Variants in ZNF326 observed in about 807,000 individuals in gnomAD.
ZNF326 encodes zinc finger protein 326.
ZNF326 carries 30 observed loss-of-function variants against 63.1 expected under a neutral mutation model. The ratio of observed to expected loss-of-function variants is 0.48; its 90% confidence interval spans 0.36 to 0.64. ZNF326 has a LOEUF of 0.64. Among genes scored for constraint, ZNF326 ranks in the 30% least tolerant of loss-of-function variants. The probability of loss-of-function intolerance (pLI) is 0.00; values close to 1 mark genes in which losing one functional copy is unlikely to be tolerated. For synonymous variants in ZNF326, 194 were observed against 228.2 expected (o/e 0.85, Z 1.35); for missense variants, 609 against 720.3 (o/e 0.85, Z 1.77).
Position 89,995,220 on chromosome 1 carries a change from C to T in ZNF326, c.-38C>T, listed in dbSNP as rs1194546554. ...ACGCTCGCCGCCGGCCATAGCTCAG[C>T]CTAGCGCCGCCAAGGCCGACGGCCC... On this transcript the variant is annotated 5_prime_UTR_variant, in exon 1 of 12. Coordinates refer to ENST00000340281, the MANE Select transcript of ZNF326 (RefSeq NM_182976.4). 4.5e-6 allele frequency: 7 copies of T among 1,538,996 alleles called. No individual in the cohort carries two copies. The highest frequency in any genetic ancestry group is 3.6e-5 in the South Asian group (3 of 83,256).
At position 90,007,352 on chromosome 1, in the gene ZNF326, C is replaced by A; in HGVS notation, c.217C>A (p.Pro73Thr). The change falls in exon 5 of 12, where the codon CCT becomes ACT. Residue 73 changes from proline (P) to threonine (T), a missense_variant. Transcript: ENST00000340281. The surrounding 1 kb of genome is among the most constrained non-coding windows in gnomAD (Gnocchi z 4.9). ...ACTGTGCAACTTTTCCAGGTTTGGACCTTATGAGTCTTACGACTCCAGGTC... is the reference window on the plus strand; with the variant it reads ...ACTGTGCAACTTTTCCAGGTTTGGAACTTATGAGTCTTACGACTCCAGGTC... Reference protein sequence around the residue: ...SGGGGGSRFGPYESYDSRSSL... With the variant: ...SGGGGGSRFGTYESYDSRSSL... The A allele has an allele frequency of 6.2e-7, 1 of 1,602,786 alleles. No individual in the cohort carries two copies. The highest frequency in any genetic ancestry group is 8.5e-7 in the Non-Finnish European group (1 of 1,173,774).
At chr1:90,025,538 T>G (rs1570323062) in intron 11 of ZNF326, among the ~76,000 whole-genome samples, 1 of 152,188 alleles carries the variant, frequency 6.6e-6, no homozygotes, top group African/African-American at 2.4e-5. Context: ...TCCAGGAATT[T>G]GTGTTTTCAG....
chr1:89,997,080 C>T (rs1428277659), intron 1 of ZNF326, among the ~76,000 whole-genome samples: 1 of 152,196 alleles, frequency 6.6e-6, no homozygotes, highest in Non-Finnish European at 1.5e-5. Flanking sequence ...ATGAAATACG[C>T]CCTGTCTCAC....
rs151244771 is a variant in ZNF326 at position 89,997,194 on chromosome 1, C to T, written c.17-916C>T. 4.2e-3 allele frequency among the ~76,000 whole-genome samples: 638 copies of T among 152,154 alleles called. 5 individuals are homozygous for T. Among genetic ancestry groups the T allele is most frequent in the African/African-American group, 0.015 (621 of 41,490 alleles). On this transcript the variant is annotated intron_variant, in intron 1 of 11. Coordinates refer to ENST00000340281, the MANE Select transcript of ZNF326 (RefSeq NM_182976.4). ...GCAGGATTCTGTTGTATCCAGATGA[C>T]CACTATATTAAATTCTGTTCTTTCA...
intron 2 of ZNF326, among the ~76,000 whole-genome samples, chr1:89,999,549 G>A (rs974237361): frequency 1.3e-5 from 2 of 152,124 alleles, no homozygotes; most frequent in Non-Finnish European, 2.9e-5. Flanking sequence ...AGTTATAACT[G>A]GTTCTCATCT....
Position 90,031,986 on chromosome 1 carries a change from G to A in ZNF326, c.*4285G>A, listed in dbSNP as rs1650298450. 1 of 152,002 alleles carries A rather than the reference G, an allele frequency of 6.6e-6. No individual in the cohort carries two copies. Among genetic ancestry groups the A allele is most frequent in the African/African-American group, 2.4e-5 (1 of 41,390 alleles). 9.4% of individuals were successfully genotyped at this position (152,002 alleles called of 1,614,324 possible). A position where few individuals can be genotyped will look rare whatever the true frequency, so the allele number is the denominator to read the frequency against. Reference sequence around the variant, plus strand: ...TATAAATAAACAATTGACTTTTTTTGGTAGTTATGGTCCCTACCCTCAGTG... The same window carrying A: ...TATAAATAAACAATTGACTTTTTTTAGTAGTTATGGTCCCTACCCTCAGTG... On this transcript the variant is annotated 3_prime_UTR_variant, in exon 12 of 12. Transcript: ENST00000340281.
chr1:89,996,211 G>T (rs1416069180), intron 1 of ZNF326, among the ~76,000 whole-genome samples: 1 of 152,202 alleles, frequency 6.6e-6, no homozygotes, highest in East Asian at 1.9e-4. Flanking sequence ...ACATTAGGGA[G>T]ACATGGGAAA....
chr1:90,012,613 G>A (rs1418765405), intron 6 of ZNF326, among the ~76,000 whole-genome samples: 1 of 152,096 alleles, frequency 6.6e-6, no homozygotes, highest in Non-Finnish European at 1.5e-5. Flanking sequence ...TCACAATAGA[G>A]AATATTTTTT....
intron 2 of ZNF326, among the ~76,000 whole-genome samples, chr1:89,998,531 T>C (rs1648514632): frequency 6.6e-6 from 1 of 152,210 alleles, no homozygotes; most frequent in African/African-American, 2.4e-5. Context: ...ATAGCTTGTA[T>C]TGTAATGCAT....
Position 90,007,413 on chromosome 1 carries a change from A to C in ZNF326, c.278A>C (p.Tyr93Ser), listed in dbSNP as rs139710910. ...GGGCGAGATCTGTACAGATCTGGCT[A>C]TGGTTTTAATGAACCCGAACAAAGC... is the stretch of plus-strand genomic sequence containing the variant. ...LGGRDLYRSGYGFNEPEQSRF... is the reference protein window; with the variant it reads ...LGGRDLYRSGSGFNEPEQSRF... Residue 93 changes from tyrosine to serine, a missense_variant, in exon 5 of 12, where the codon TAT (tyrosine) becomes TCT (serine). This residue lies in a region of ZNF326 where 113 missense variants were observed against 187.4 expected (regional missense o/e 0.60). Transcript: ENST00000340281. The surrounding 1 kb of genome is among the most constrained non-coding windows in gnomAD (Gnocchi z 4.9). 1.5e-4 allele frequency: 237 copies of C among 1,613,956 alleles called. No homozygotes were observed. Among genetic ancestry groups the C allele is most frequent in the Non-Finnish European group, 1.9e-4 (229 of 1,179,990 alleles).
At chr1:90,026,887 C>T (rs1253070869) in intron 11 of ZNF326, among the ~76,000 whole-genome samples, 2 of 151,926 alleles carry the variant, frequency 1.3e-5, no homozygotes, top group Non-Finnish European at 2.9e-5. Flanking sequence ...GGTTTGTCTA[C>T]TTTTTAAAAG....
At chr1:89,996,400 C>T (rs543395288) in intron 1 of ZNF326, among the ~76,000 whole-genome samples, 3 of 152,266 alleles carry the variant, frequency 2.0e-5, no homozygotes, top group African/African-American at 7.2e-5. Flanking sequence ...TTTCATGCAA[C>T]AAAGAATTAA....
intron 11 of ZNF326, 51 bp from the exon 12 acceptor site, chr1:90,027,303 T>G (rs921085375): frequency 1.3e-6 from 2 of 1,553,868 alleles, no homozygotes; most frequent in African/African-American, 2.7e-5. Context: ...ACTTGCCAGA[T>G]CATGTAATAA....
At chr1:89,997,981 T>A in intron 1 of ZNF326, 129 bp from the exon 2 acceptor site, 1 of 679,458 alleles carries the variant, frequency 1.5e-6, no homozygotes, top group Non-Finnish European at 2.5e-6. Flanking sequence ...TTTTAACTAT[T>A]CTCAGTTTTG....
chr1:90,025,131 C>T (rs1226813574), intron 11 of ZNF326, among the ~76,000 whole-genome samples: 2 of 152,026 alleles, frequency 1.3e-5, no homozygotes, highest in East Asian at 1.9e-4. Context: ...TTACTTTGCA[C>T]GTGCTCTTTG....
chr1:90,004,914 T>C, intron 2 of ZNF326, 89 bp from the exon 3 acceptor site: 3 of 1,083,596 alleles, frequency 2.8e-6, no homozygotes, highest in Non-Finnish European at 4.0e-6. Context: ...TTATCTCAGG[T>C]GATAGATAGG....
chr1:90,023,151 A>G (rs1199901672), intron 11 of ZNF326, among the ~76,000 whole-genome samples: 2 of 152,194 alleles, frequency 1.3e-5, no homozygotes, highest in African/African-American at 4.8e-5. Flanking sequence ...TTGGGAATAA[A>G]TTTTAGAGGT....
rs1029250668 is a variant in ZNF326 at position 90,032,512 on chromosome 1, A to G, written c.*4811A>G. On this transcript the variant is annotated 3_prime_UTR_variant, in exon 12 of 12. Transcript: ENST00000340281. ...ATTGTAGAGGAGATACAATAATACA[A>G]ATTTCAGCAATAAGGATAGATTTAT... is the stretch of plus-strand genomic sequence containing the variant. 2 of 152,230 alleles carry G rather than the reference A, an allele frequency of 1.3e-5. No homozygotes were observed. The highest frequency in any genetic ancestry group is 4.8e-5 in the African/African-American group (2 of 41,460). 9.4% of individuals were successfully genotyped at this position (152,230 alleles called of 1,614,324 possible). A position where few individuals can be genotyped will look rare whatever the true frequency, so the allele number is the denominator to read the frequency against.
chr1:90,018,585 G>A (rs1319335887), intron 8 of ZNF326, 100 bp from the exon 9 acceptor site: 1 of 560,304 alleles, frequency 1.8e-6, no homozygotes, highest in Non-Finnish European at 3.2e-6. Context: ...TAATTCTTAT[G>A]TAGCAGATAC....
Sources: allele counts gnomAD v4.1 joint callset (sites outside exome capture counted in the v4.1 genomes callset), GRCh38; gene constraint gnomAD v4.1.1; regional missense constraint gnomAD v4.1.1; non-coding constraint Gnocchi (gnomAD v3.1); transcripts MANE v1.5; gene names NCBI Gene and HGNC (gene_info 2026-07-23, HGNC 2026-07-21).